ENOX1: variants seen among roughly 807,000 people sequenced by gnomAD.
The protein encoded by ENOX1 is ecto-NOX disulfide-thiol exchanger 1.
Under a neutral mutation model 82.5 loss-of-function variants are expected in ENOX1, and 42 were observed. The ratio of observed to expected loss-of-function variants is 0.51; its 90% CI spans 0.40 to 0.66. ENOX1 has a LOEUF of 0.66. Ranked by LOEUF, ENOX1 falls within the 30% of genes least tolerant of loss-of-function variation. The pLI is 0.00. For missense variants in ENOX1, 608 were observed against 811.6 expected (o/e 0.75, Z 3.05); for synonymous variants, 271 against 282.2 (o/e 0.96, Z 0.40).
At position 43,325,847 on chromosome 13, in the gene ENOX1, G is replaced by C. The variant is rs149056620; in HGVS notation, c.1143+572C>G. On this transcript the variant is annotated intron_variant, in intron 10 of 16. Coordinates refer to ENST00000690772, the MANE Select transcript of ENOX1 (RefSeq NM_001347969.2). Reference sequence around the variant, plus strand: ...TGGCAAGGAGGTCAAATTCTAGACTGTTCTCTTGGGGGTAGATACTCACTT... The same window carrying C: ...TGGCAAGGAGGTCAAATTCTAGACTCTTCTCTTGGGGGTAGATACTCACTT... 1.3e-3 allele frequency among the ~76,000 whole-genome samples: 203 copies of C among 152,294 alleles called. 4 individuals carry two copies. The East Asian group carries it at 0.026, about 20-fold the overall frequency.
intron 3 of ENOX1, among the ~76,000 whole-genome samples, chr13:43,441,241 T>G (rs1344238700): frequency 1.3e-5 from 2 of 152,190 alleles, no homozygotes; most frequent in East Asian, 3.8e-4. Context: ...CAAAGTTGTT[T>G]GTATATTAGC....
chr13:43,401,919 T>C (rs546784082), intron 5 of ENOX1, among the ~76,000 whole-genome samples: 20 of 149,530 alleles, frequency 1.3e-4, no homozygotes, highest in Admixed American at 6.6e-5. Flanking sequence ...AAACAAAAAC[T>C]TAAAAATATT....
intron 3 of ENOX1, among the ~76,000 whole-genome samples, chr13:43,477,284 G>A (rs1169462074): frequency 7.2e-6 from 1 of 138,864 alleles, no homozygotes. Flanking sequence ...TGGGAAAGGA[G>A]AAGTAGATAT....
At chr13:43,646,134 A>C (rs1161787870) in intron 2 of ENOX1, among the ~76,000 whole-genome samples, 1 of 152,210 alleles carries the variant, frequency 6.6e-6, no homozygotes, top group African/African-American at 2.4e-5. Flanking sequence ...CATTGCCCTC[A>C]AGGGAGGTTC....
chr13:43,607,758 C>T (rs776213748), intron 2 of ENOX1, among the ~76,000 whole-genome samples: 8 of 152,192 alleles, frequency 5.3e-5, no homozygotes, highest in Non-Finnish European at 2.9e-5. Flanking sequence ...ACTCAAGACC[C>T]TACTGCTCTT....
chr13:43,740,201 G>T (rs2089834920), intron 1 of ENOX1, among the ~76,000 whole-genome samples: 1 of 152,112 alleles, frequency 6.6e-6, no homozygotes. Context: ...GAGGCCATGT[G>T]CCTGCAGTGG....
intron 1 of ENOX1, among the ~76,000 whole-genome samples, chr13:43,713,522 G>A (rs1401924075): frequency 3.9e-5 from 6 of 152,170 alleles, no homozygotes; most frequent in East Asian, 1.9e-4. Flanking sequence ...GGTAGAATTC[G>A]GCTGTGAATC....
At chr13:43,572,084 T>C (rs2080210969) in intron 2 of ENOX1, among the ~76,000 whole-genome samples, 2 of 151,976 alleles carry the variant, frequency 1.3e-5, no homozygotes, top group South Asian at 4.2e-4. Context: ...TTGCTATATA[T>C]AAACAAAAAT....
intron 5 of ENOX1, among the ~76,000 whole-genome samples, chr13:43,390,839 TC>T (rs1449545127): frequency 6.6e-6 from 1 of 152,168 alleles, no homozygotes; most frequent in African/African-American, 2.4e-5. Flanking sequence ...TTCATTTCTT[TC>T]TCCCTGCCTC....
chr13:43,588,571 GGAATTTGAAGTTGA>G (rs2081097246), intron 2 of ENOX1, among the ~76,000 whole-genome samples: 1 of 152,178 alleles, frequency 6.6e-6, no homozygotes, highest in Non-Finnish European at 1.5e-5. Flanking sequence ...AGTTGAGGTT[GGAATTTGAAGTTGA>G]AAGTCCTACT....
At chr13:43,527,344 C>T (rs1462246879) in intron 2 of ENOX1, among the ~76,000 whole-genome samples, 1 of 152,084 alleles carries the variant, frequency 6.6e-6, no homozygotes, top group Non-Finnish European at 1.5e-5. Context: ...AATGTCACAA[C>T]AACTACATAG....
At chr13:43,700,541 T>C (rs2086855733) in intron 1 of ENOX1, among the ~76,000 whole-genome samples, 1 of 152,174 alleles carries the variant, frequency 6.6e-6, no homozygotes, top group Non-Finnish European at 1.5e-5. Context: ...TTCCATGTTC[T>C]TTTAGCCAGC....
chr13:43,617,857 C>T lies in ENOX1; in HGVS notation c.-219+49622G>A, dbSNP rs542115604. 2.6e-5 allele frequency among the ~76,000 whole-genome samples: 4 copies of T among 151,432 alleles called. No homozygotes were observed. The Admixed American group carries it at 2.6e-4, about 10-fold the overall frequency. On this transcript the variant is annotated intron_variant, in intron 2 of 16. Transcript: ENST00000690772. ...TTCCCACAAGAAGTGTAGAAGTGTT[C>T]CCTGTTCACTGCATCCACGTCAACA...
At chr13:43,332,174 A>G (rs994127402) in intron 9 of ENOX1, among the ~76,000 whole-genome samples, 1 of 152,118 alleles carries the variant, frequency 6.6e-6, no homozygotes, top group South Asian at 2.1e-4. Flanking sequence ...AGCATCCCCA[A>G]CGTTTTTGGC....
intron 5 of ENOX1, among the ~76,000 whole-genome samples, chr13:43,393,300 A>C (rs925994746): frequency 6.6e-6 from 1 of 152,210 alleles, no homozygotes; most frequent in Non-Finnish European, 1.5e-5. Flanking sequence ...ACAAGCTTTT[A>C]AGAAAGGTAT....
At chr13:43,744,477 T>C (rs1949915337) in intron 1 of ENOX1, among the ~76,000 whole-genome samples, 1 of 152,114 alleles carries the variant, frequency 6.6e-6, no homozygotes, top group African/African-American at 2.4e-5. Flanking sequence ...AAATCTTTCC[T>C]CAGGCCTGGT....
chr13:43,447,574 C>G (rs1349990878), intron 3 of ENOX1, among the ~76,000 whole-genome samples: 3 of 151,786 alleles, frequency 2.0e-5, no homozygotes, highest in Non-Finnish European at 4.4e-5. Flanking sequence ...ATCCAGAATG[C>G]AGGAGATCTT....
intron 2 of ENOX1, among the ~76,000 whole-genome samples, chr13:43,540,030 A>G (rs1488093436): frequency 1.3e-5 from 2 of 152,092 alleles, no homozygotes; most frequent in African/African-American, 4.8e-5. Flanking sequence ...TTTGACTTTC[A>G]ACCTTTTTAC....
intron 2 of ENOX1, chr13:43,543,913 C>CTTTTTTTT (rs11324994): frequency 2.3e-4 from 22 of 97,426 alleles, no homozygotes; most frequent in Non-Finnish European, 3.0e-4. Flanking sequence ...TTTTCTTTTT[C>CTTTTTTTT]TTTTTTTTTT....
Sources: allele counts gnomAD v4.1 joint callset (sites outside exome capture counted in the v4.1 genomes callset), GRCh38; gene constraint gnomAD v4.1.1; transcripts MANE v1.5; gene names NCBI Gene and HGNC (gene_info 2026-07-23, HGNC 2026-07-21).